The following SEMA3C variants were observed in gnomAD, a reference collection of about 807,000 sequenced individuals.
SEMA3C encodes the protein semaphorin-3C.
Under a neutral mutation model 89.4 loss-of-function variants are expected in SEMA3C, and 47 were observed. The observed-to-expected ratio is 0.53, with a 90% CI of 0.42 to 0.67. SEMA3C has a LOEUF of 0.67. Among genes scored for constraint, SEMA3C ranks in the 30% least tolerant of loss-of-function variants. SEMA3C has a pLI of 0.00. For missense variants in SEMA3C, 839 were observed against 929.1 expected (o/e 0.90, Z 1.26); for synonymous variants, 310 against 320.2 (o/e 0.97, Z 0.34).
chr7:80,830,971 G>T (rs943415166), intron 2 of SEMA3C, among the ~76,000 whole-genome samples: 1 of 152,188 alleles, frequency 6.6e-6, no homozygotes, highest in African/African-American at 2.4e-5. Flanking sequence ...ATCACTCAAA[G>T]GTTGGAGAGG....
chr7:80,765,050 T>C (rs1177641686), intron 13 of SEMA3C, 105 bp downstream of exon 13: 1 of 694,900 alleles, frequency 1.4e-6, no homozygotes, highest in African/African-American at 1.8e-5. Flanking sequence ...ATAACATTCA[T>C]TTATTTGATC....
intron 1 of SEMA3C, among the ~76,000 whole-genome samples, chr7:80,917,413 T>C (rs931880459): frequency 2.0e-5 from 3 of 152,246 alleles, no homozygotes; most frequent in Admixed American, 6.5e-5. Flanking sequence ...AGGCAGTTGT[T>C]AAATGATGCA....
At chr7:80,828,199 G>A (rs1221277170) in intron 3 of SEMA3C, among the ~76,000 whole-genome samples, 1 of 151,946 alleles carries the variant, frequency 6.6e-6, no homozygotes, top group Non-Finnish European at 1.5e-5. Flanking sequence ...AGGCCATACT[G>A]GATCAAGTAA....
chr7:80,772,431 T>C (rs2117075260), intron 12 of SEMA3C, among the ~76,000 whole-genome samples: 1 of 152,344 alleles, frequency 6.6e-6, no homozygotes, highest in African/African-American at 2.4e-5. Flanking sequence ...TTTAGCACAA[T>C]TTCTCACGTT....
At chr7:80,889,747 AG>A (rs1196181614) in intron 2 of SEMA3C, among the ~76,000 whole-genome samples, 1 of 152,162 alleles carries the variant, frequency 6.6e-6, no homozygotes, top group Non-Finnish European at 1.5e-5. Flanking sequence ...AAGAAAAAAA[AG>A]ATTCTTTTTT....
At chr7:80,856,186 T>C (rs1790635821) in intron 2 of SEMA3C, among the ~76,000 whole-genome samples, 1 of 152,126 alleles carries the variant, frequency 6.6e-6, no homozygotes, top group Non-Finnish European at 1.5e-5. Context: ...GTTCTTCCAA[T>C]TCTGTAAAGA....
chr7:80,861,684 T>C (rs533232779), intron 2 of SEMA3C, among the ~76,000 whole-genome samples: 3 of 152,292 alleles, frequency 2.0e-5, no homozygotes, highest in South Asian at 4.1e-4. Context: ...AAGAATATTT[T>C]TGCGTAAGTA....
At chr7:80,845,916 A>G (rs2115904360) in intron 2 of SEMA3C, among the ~76,000 whole-genome samples, 1 of 152,302 alleles carries the variant, frequency 6.6e-6, no homozygotes, top group African/African-American at 2.4e-5. Context: ...CCCATTTGAA[A>G]TCAATTCAAT....
intron 15 of SEMA3C, among the ~76,000 whole-genome samples, chr7:80,752,825 A>T (rs559889233): frequency 1.3e-5 from 2 of 152,126 alleles, no homozygotes; most frequent in Non-Finnish European, 2.9e-5. Context: ...CTCTTTAAAT[A>T]TTGTGAATAC....
chr7:80,851,286 C>A (rs1006238816), intron 2 of SEMA3C, among the ~76,000 whole-genome samples: 1 of 151,924 alleles, frequency 6.6e-6, no homozygotes, highest in Non-Finnish European at 1.5e-5. Flanking sequence ...GTGGGTAGAT[C>A]ACAAGGTCAG....
chr7:80,800,700 C>G, intron 10 of SEMA3C, 57 bp downstream of exon 10: 1 of 1,024,916 alleles, frequency 9.8e-7, no homozygotes, highest in Non-Finnish European at 1.5e-6. Context: ...ATAATAATTA[C>G]TGTTACTCCA....
At chr7:80,835,139 G>A (rs974687722) in intron 2 of SEMA3C, among the ~76,000 whole-genome samples, 2 of 151,930 alleles carry the variant, frequency 1.3e-5, no homozygotes, top group African/African-American at 4.8e-5. Context: ...TCAATTCCCA[G>A]GAGTCCCTAG....
intron 2 of SEMA3C, among the ~76,000 whole-genome samples, chr7:80,861,565 T>C (rs186678626): frequency 6.2e-4 from 94 of 152,324 alleles, no homozygotes; most frequent in African/African-American, 2.1e-3. Flanking sequence ...CTGAGCACTG[T>C]TCACACAAAT....
chr7:80,807,268 G>C (rs1043391366), intron 6 of SEMA3C, among the ~76,000 whole-genome samples: 3 of 152,050 alleles, frequency 2.0e-5, no homozygotes, highest in African/African-American at 7.2e-5. Context: ...GCTATCAATT[G>C]TCATATCTGT....
chr7:80,762,787 T>A (rs1583853711), intron 13 of SEMA3C, among the ~76,000 whole-genome samples: 2 of 152,212 alleles, frequency 1.3e-5, no homozygotes, highest in African/African-American at 4.8e-5. Context: ...CACTCCAGCC[T>A]GGGTAACAAG....
intron 2 of SEMA3C, among the ~76,000 whole-genome samples, chr7:80,861,496 G>C (rs1419656662): frequency 3.2e-4 from 48 of 152,066 alleles, no homozygotes; most frequent in Admixed American, 3.1e-3. Context: ...CATTTAATAA[G>C]AGGTTATTTG....
At chr7:80,874,447 G>GTTATTTATTTATTTATTTATTTATTTAT in intron 2 of SEMA3C, among the ~76,000 whole-genome samples, 1 of 146,616 alleles carries the variant, frequency 6.8e-6, no homozygotes, top group Non-Finnish European at 1.5e-5. Flanking sequence ...ACCATAGCAA[G>GTTATTTATTTATTTATTTATTTATTTAT]TTATTTATTT....
chr7:80,744,752 T>C lies in SEMA3C; in HGVS notation c.*142A>G. On this transcript the variant is annotated 3_prime_UTR_variant, in exon 18 of 18. Coordinates refer to ENST00000265361, the MANE Select transcript of SEMA3C (RefSeq NM_006379.5). ...TCATACAAGAAAATGCATGCTCATT[T>C]CAGTTCGTGTAAAACTCACTTCAGG... The C allele has an allele frequency of 2.4e-6, 2 of 849,918 alleles. No individual in the cohort carries two copies. Among genetic ancestry groups the C allele is most frequent in the Non-Finnish European group, 3.8e-6 (2 of 531,076 alleles). 52.6% of individuals were successfully genotyped at this position (849,918 alleles called of 1,614,324 possible).
chr7:80,773,834 G>C (rs763863828), intron 12 of SEMA3C, among the ~76,000 whole-genome samples: 25 of 152,294 alleles, frequency 1.6e-4, no homozygotes, highest in African/African-American at 5.1e-4. Context: ...TGCAGGATGA[G>C]AGCACCAGAG....
Sources: gnomAD v4.1 joint callset for allele counts (sites outside exome capture counted in the v4.1 genomes callset) on GRCh38, gnomAD v4.1.1 for gene constraint, MANE v1.5 for transcripts, NCBI Gene and HGNC (gene_info 2026-07-23, HGNC 2026-07-21) for gene names.